ADAMTSL3: variants seen among roughly 807,000 people sequenced by gnomAD.
The protein encoded by ADAMTSL3 is ADAMTS like 3, also known as ADAMTS-like protein 3.
ADAMTSL3 carries 128 observed loss-of-function variants against 201.7 expected under a neutral mutation model. That is an observed-to-expected ratio of 0.63 (90% CI 0.55 to 0.73). The LOEUF is 0.73. ADAMTSL3 is among the 30% of genes least tolerant of loss of function. The probability of loss-of-function intolerance (pLI) is 0.00; values close to 1 mark genes in which losing one functional copy is unlikely to be tolerated. For missense variants in ADAMTSL3, 1,990 were observed against 2,119.6 expected (o/e 0.94, Z 1.20); for synonymous variants, 738 against 748.4 (o/e 0.99, Z 0.23).
intron 2 of ADAMTSL3, among the ~76,000 whole-genome samples, chr15:83,694,025 G>A (rs140507459): frequency 6.6e-6 from 1 of 152,322 alleles, no homozygotes; most frequent in African/African-American, 2.4e-5. Flanking sequence ...AGTGTTAGTG[G>A]TGAAGAGGCT....
At chr15:83,907,497 G>C (rs2065862626) in intron 15 of ADAMTSL3, among the ~76,000 whole-genome samples, 1 of 152,138 alleles carries the variant, frequency 6.6e-6, no homozygotes, top group Non-Finnish European at 1.5e-5. Context: ...CCACCTCCCG[G>C]CTTCAAGCAA....
At chr15:83,822,050 C>T (rs1285506895) in intron 6 of ADAMTSL3, among the ~76,000 whole-genome samples, 1 of 146,640 alleles carries the variant, frequency 6.8e-6, no homozygotes, top group South Asian at 2.2e-4. Flanking sequence ...GGCAGAGGGG[C>T]TCCTCACTTC....
chr15:83,707,693 A>G (rs1439211729), intron 3 of ADAMTSL3, among the ~76,000 whole-genome samples: 2 of 152,232 alleles, frequency 1.3e-5, no homozygotes, highest in East Asian at 1.9e-4. Context: ...TTGATTTTAT[A>G]TAAATGGAAT....
intron 16 of ADAMTSL3, among the ~76,000 whole-genome samples, chr15:83,917,417 G>GTGTGTGTATGTA (rs9329362): frequency 0.14 from 20,248 of 146,514 alleles, 1,525 homozygotes; most frequent in Middle Eastern, 0.22. Flanking sequence ...TCCAAAGTGT[G>GTGTGTGTATGTA]TGTATGTATG....
chr15:83,914,842 T>A (rs2141965218), intron 16 of ADAMTSL3, among the ~76,000 whole-genome samples: 1 of 104,554 alleles, frequency 9.6e-6, no homozygotes, highest in South Asian at 3.1e-4. Context: ...GTTTTTTGTT[T>A]GTTTGGTTTT....
chr15:83,970,396 CT>C, intron 19 of ADAMTSL3, 87 bp from the exon 20 acceptor site: 1 of 1,508,816 alleles, frequency 6.6e-7, no homozygotes. Context: ...AAAATTTCCT[CT>C]TGTTTCACCC....
chr15:83,752,101 C>T (rs537886507), intron 3 of ADAMTSL3, among the ~76,000 whole-genome samples: 1 of 152,014 alleles, frequency 6.6e-6, no homozygotes, highest in African/African-American at 2.4e-5. Context: ...ATGAAAACAA[C>T]AAAATGAAAA....
At chr15:83,775,326 G>A (rs2063054075) in intron 4 of ADAMTSL3, among the ~76,000 whole-genome samples, 1 of 151,760 alleles carries the variant, frequency 6.6e-6, no homozygotes, top group Admixed American at 6.6e-5. Flanking sequence ...AAAGGTGTGG[G>A]ATTTATTTGC....
Position 83,983,169 on chromosome 15 carries a change from A to T in ADAMTSL3, c.3541A>T (p.Arg1181Trp). 6.2e-7 allele frequency: 1 copy of T among 1,613,852 alleles called. No homozygotes were observed. The highest frequency in any genetic ancestry group is 8.5e-7 in the Non-Finnish European group (1 of 1,179,924). ...TFKPKGPVLM[R>W]QSQPPSISFN... is the part of the protein sequence containing the mutation. ...CAAGCCGAAAGGACCTGTTCTCATG[A>T]GGCAAAGCCAACCTCCCTCAATTTC... The change falls in exon 21 of 30, where the codon AGG becomes TGG. Residue 1181 changes from arginine (R) to tryptophan (W), a missense_variant. Physicochemically the swap from Arg to Trp is moderately radical, Grantham distance 101 (BLOSUM62 -3). Coordinates refer to ENST00000286744, the MANE Select transcript of ADAMTSL3 (RefSeq NM_207517.3).
chr15:83,957,185 G>A (rs2066878937), intron 19 of ADAMTSL3, among the ~76,000 whole-genome samples: 1 of 152,162 alleles, frequency 6.6e-6, no homozygotes, highest in Non-Finnish European at 1.5e-5. Flanking sequence ...GTTCTAGAGT[G>A]ACAAGCGTGT....
chr15:83,673,877 A>G (rs2061359114), intron 2 of ADAMTSL3, among the ~76,000 whole-genome samples: 1 of 152,170 alleles, frequency 6.6e-6, no homozygotes, highest in African/African-American at 2.4e-5. Flanking sequence ...TGGAGTCCTC[A>G]TCTGTATTCA....
chr15:83,746,028 G>A (rs1377664653), intron 3 of ADAMTSL3, among the ~76,000 whole-genome samples: 3 of 152,176 alleles, frequency 2.0e-5, no homozygotes, highest in Non-Finnish European at 4.4e-5. Context: ...GCCTGGGACA[G>A]TGGCTCAGTG....
intron 27 of ADAMTSL3, among the ~76,000 whole-genome samples, chr15:84,028,867 G>A (rs1246637411): frequency 6.6e-6 from 1 of 152,186 alleles, no homozygotes; most frequent in Non-Finnish European, 1.5e-5. Flanking sequence ...GACAGTGAGT[G>A]AGTTCTCACA....
Position 83,982,628 on chromosome 15 carries a change from C to T in ADAMTSL3, c.3000C>T (p.Asn1000=). The T allele has an allele frequency of 2.5e-6, 4 of 1,614,164 alleles. No homozygotes were observed. Among genetic ancestry groups the T allele is most frequent in the Non-Finnish European group, 3.4e-6 (4 of 1,180,048 alleles). Residue 1000 remains asparagine (N), a synonymous_variant, in exon 21 of 30, where the codon AAC becomes AAT. Coordinates refer to ENST00000286744, the MANE Select transcript of ADAMTSL3 (RefSeq NM_207517.3). ...TVVLKLIGTD[N]RLIARPALRE... ...TGCTCAAGCTCATTGGTACTGACAA[C>T]CGGCTCATCGCACGCCCAGCCCTCA...
chr15:83,988,057 C>T (rs893940653), intron 21 of ADAMTSL3, among the ~76,000 whole-genome samples: 5 of 152,168 alleles, frequency 3.3e-5, no homozygotes, highest in African/African-American at 1.2e-4. Context: ...CTCTGATTCT[C>T]AAAGCGGTAT....
intron 20 of ADAMTSL3, among the ~76,000 whole-genome samples, chr15:83,975,229 C>G (rs2142140124): frequency 6.6e-6 from 1 of 151,950 alleles, no homozygotes; most frequent in South Asian, 2.1e-4. Flanking sequence ...GTCTTGATCT[C>G]CTGACCTTGT....
intron 8 of ADAMTSL3, among the ~76,000 whole-genome samples, chr15:83,867,120 T>C (rs956792026): frequency 3.3e-5 from 5 of 152,214 alleles, no homozygotes; most frequent in African/African-American, 1.2e-4. Context: ...AAGAGATATT[T>C]CTGAAATGAA....
intron 3 of ADAMTSL3, among the ~76,000 whole-genome samples, chr15:83,720,806 C>A (rs1442577008): frequency 1.3e-5 from 2 of 152,156 alleles, no homozygotes; most frequent in Non-Finnish European, 2.9e-5. Context: ...CAGGATAGTA[C>A]TTTTATAATA....
chr15:83,881,397 C>A (rs2065268248), intron 9 of ADAMTSL3, among the ~76,000 whole-genome samples: 1 of 152,180 alleles, frequency 6.6e-6, no homozygotes, highest in Non-Finnish European at 1.5e-5. Flanking sequence ...AGTTTCTCAG[C>A]TGCTCAGCCA....
Sources: allele counts gnomAD v4.1 joint callset (sites outside exome capture counted in the v4.1 genomes callset), GRCh38; gene constraint gnomAD v4.1.1; transcripts MANE v1.5; gene names NCBI Gene and HGNC (gene_info 2026-07-23, HGNC 2026-07-21).